The following AFF3 variants were observed in gnomAD, a reference collection of about 807,000 sequenced individuals.
AFF3 encodes ALF transcription elongation factor 3.
A neutral mutation model predicts 129.7 loss-of-function variants in AFF3; 32 were observed. That is an observed-to-expected ratio of 0.25 (90% CI 0.19 to 0.33). AFF3 has a LOEUF of 0.33. AFF3 is among the 10% of genes least tolerant of loss of function. AFF3 has a pLI of 1.00. For synonymous variants in AFF3, 644 were observed against 635.4 expected, an observed-to-expected ratio of 1.01 and a Z score of -0.20; for missense variants, 1,373 against 1,592.0, an observed-to-expected ratio of 0.86 and a Z score of 2.34.
chr2:99,690,325 C>T (rs1427273222), intron 11 of AFF3, among the ~76,000 whole-genome samples: 1 of 150,820 alleles, frequency 6.6e-6, no homozygotes, highest in East Asian at 2.0e-4. Context: ...GGACTACAGG[C>T]ACCCGCCACC....
chr2:99,739,149 T>TC (rs2105097064), intron 10 of AFF3, among the ~76,000 whole-genome samples: 1 of 151,912 alleles, frequency 6.6e-6, no homozygotes, highest in Admixed American at 6.6e-5. Flanking sequence ...GGCCAGGTGT[T>TC]CCCATCACTG....
chr2:99,688,651 C>T (rs540791227), intron 11 of AFF3, among the ~76,000 whole-genome samples: 44 of 152,204 alleles, frequency 2.9e-4, no homozygotes, highest in Non-Finnish European at 6.3e-4. Context: ...TTTCTGGCCA[C>T]CCTTCAGAGC....
intron 14 of AFF3, among the ~76,000 whole-genome samples, chr2:99,595,688 C>T (rs908372649): frequency 2.0e-5 from 3 of 152,202 alleles, no homozygotes; most frequent in African/African-American, 7.2e-5. Context: ...CTCTTGGCCT[C>T]ACCCCAGGCA....
At chr2:99,956,443 G>C (rs550012111) in intron 7 of AFF3, among the ~76,000 whole-genome samples, 2 of 152,214 alleles carry the variant, frequency 1.3e-5, no homozygotes, top group South Asian at 2.1e-4. Flanking sequence ...GAAGTTGGAG[G>C]GGGGGGCTGT....
chr2:99,617,032 T>C (rs987546601), intron 13 of AFF3, among the ~76,000 whole-genome samples: 1 of 152,236 alleles, frequency 6.6e-6, no homozygotes, highest in Non-Finnish European at 1.5e-5. Context: ...TGTATGAATA[T>C]ACCACATTTT....
At chr2:99,709,151 A>C (rs554595481) in intron 11 of AFF3, among the ~76,000 whole-genome samples, 3 of 152,320 alleles carry the variant, frequency 2.0e-5, no homozygotes, top group Admixed American at 1.3e-4. Context: ...GCTACTCAGG[A>C]GGCTGAGCAG....
intron 22 of AFF3, among the ~76,000 whole-genome samples, chr2:99,557,900 C>T (rs1225275272): frequency 3.3e-5 from 5 of 152,094 alleles, no homozygotes; most frequent in Non-Finnish European, 5.9e-5. Flanking sequence ...GAGATAGAGA[C>T]GGCATAATTT....
At chr2:99,792,114 GC>G (rs1397456592) in intron 8 of AFF3, among the ~76,000 whole-genome samples, 1 of 152,066 alleles carries the variant, frequency 6.6e-6, no homozygotes, top group Non-Finnish European at 1.5e-5. Context: ...ACTTAACTTT[GC>G]ATTTTCCCTA....
rs553371568 is a variant in AFF3 at position 99,761,305 on chromosome 2, A to G, written c.922-9004T>C. Among the ~76,000 whole-genome samples, 305 of 152,088 alleles carry G rather than the reference A, an allele frequency of 2.0e-3. 1 individual carries two copies. The highest frequency in any genetic ancestry group is 3.7e-3 in the Non-Finnish European group (251 of 68,016). On this transcript the variant is annotated intron_variant, in intron 8 of 24. Transcript: ENST00000672756. ...ATAAGGACACAGAATATTGCTCTTC[A>G]TAACTGGCTAACGTTTTCTCTATCC...
At chr2:99,841,000 T>A (rs1403200296) in intron 7 of AFF3, among the ~76,000 whole-genome samples, 1 of 152,222 alleles carries the variant, frequency 6.6e-6, no homozygotes, top group East Asian at 1.9e-4. Flanking sequence ...GAATTCTCAA[T>A]GTGCTTTCTG....
chr2:99,656,631 A>T (rs1202450959), intron 12 of AFF3, among the ~76,000 whole-genome samples: 1 of 152,170 alleles, frequency 6.6e-6, no homozygotes, highest in Non-Finnish European at 1.5e-5. Context: ...CACATCTATA[A>T]GCAATTTTAT....
intron 7 of AFF3, among the ~76,000 whole-genome samples, chr2:99,969,466 T>G (rs1678120880): frequency 6.6e-6 from 1 of 150,524 alleles, no homozygotes; most frequent in Non-Finnish European, 1.5e-5. Flanking sequence ...GACACAAATT[T>G]TATTTTATTT....
At chr2:99,999,356 G>T (rs899717064) in intron 7 of AFF3, among the ~76,000 whole-genome samples, 1 of 152,242 alleles carries the variant, frequency 6.6e-6, no homozygotes, top group African/African-American at 2.4e-5. Flanking sequence ...GAAGGCCCAG[G>T]ATTGGTGGGG....
intron 7 of AFF3, among the ~76,000 whole-genome samples, chr2:99,905,198 T>C (rs1694625092): frequency 6.6e-6 from 1 of 152,214 alleles, no homozygotes; most frequent in Non-Finnish European, 1.5e-5. Flanking sequence ...CGCACGTCTG[T>C]TCTGGAGGAA....
At chr2:99,887,687 T>C (rs1234584373) in intron 7 of AFF3, among the ~76,000 whole-genome samples, 1 of 152,244 alleles carries the variant, frequency 6.6e-6, no homozygotes, top group African/African-American at 2.4e-5. Flanking sequence ...TAAATATTTA[T>C]TATTGCTATA....
At chr2:99,571,924 T>C (rs1407691538) in intron 18 of AFF3, among the ~76,000 whole-genome samples, 1 of 152,186 alleles carries the variant, frequency 6.6e-6, no homozygotes, top group African/African-American at 2.4e-5. Flanking sequence ...TAGAATATAA[T>C]ACAGCAAAGG....
chr2:100,064,730 C>T (rs151074844), intron 4 of AFF3, among the ~76,000 whole-genome samples: 12 of 152,342 alleles, frequency 7.9e-5, no homozygotes, highest in Middle Eastern at 3.4e-3. Context: ...AAAAATACAT[C>T]GTCATGCAGC....
chr2:100,025,156 C>G (rs1683935145), intron 4 of AFF3, among the ~76,000 whole-genome samples: 1 of 152,022 alleles, frequency 6.6e-6, no homozygotes, highest in Admixed American at 6.6e-5. Context: ...CAGGCTAGGC[C>G]TATTTTCTTC....
At chr2:99,766,069 C>T (rs957153169) in intron 8 of AFF3, among the ~76,000 whole-genome samples, 19 of 152,198 alleles carry the variant, frequency 1.2e-4, no homozygotes, top group Non-Finnish European at 8.8e-5. Flanking sequence ...AGGTGTTAGG[C>T]AAGCTGGGAG....
Sources: gnomAD v4.1 joint callset for allele counts (sites outside exome capture counted in the v4.1 genomes callset) on GRCh38, gnomAD v4.1.1 for gene constraint, MANE v1.5 for transcripts, NCBI Gene and HGNC (gene_info 2026-07-23, HGNC 2026-07-21) for gene names.